The following CA12 variants were observed in gnomAD, a reference collection of about 807,000 sequenced individuals.
The protein encoded by CA12 is carbonate dehydratase XII.
A neutral mutation model predicts 46.8 loss-of-function variants in CA12; 36 were observed. The observed-to-expected ratio is 0.77, with a 90% CI of 0.59 to 1.02. The LOEUF is 1.02. Ranked by LOEUF, CA12 falls within the 50% of genes least tolerant of loss-of-function variation. The pLI, the probability that CA12 is intolerant of heterozygous loss-of-function variation, is 0.00. For missense variants in CA12, 436 were observed against 451.4 expected (o/e 0.97, Z 0.31); for synonymous variants, 202 against 187.0 (o/e 1.08, Z -0.65).
In CA12 at chr15:63,345,015, C is replaced by G. The variant is rs995997462; in HGVS notation, c.429+462G>C. Among the ~76,000 whole-genome samples the G allele has an allele frequency of 1.3e-5, 2 of 152,090 alleles. No homozygotes were observed. Among genetic ancestry groups the G allele is most frequent in the African/African-American group, 4.8e-5 (2 of 41,412 alleles). The stretch of plus-strand genomic sequence containing the variant: ...GAAGGGTGGCCCTAGACCCATGTCC[C>G]CATGTTCTAAACACAACCCATGCCC... On this transcript the variant is annotated intron_variant, in intron 4 of 10. Coordinates refer to ENST00000178638, the MANE Select transcript of CA12 (RefSeq NM_001218.5). The surrounding 1 kb of genome is among the most constrained non-coding windows in gnomAD (Gnocchi z 4.3).
chr15:63,345,531 C>T lies in CA12; in HGVS notation c.375G>A (p.Pro125=), dbSNP rs199545110. The change falls in exon 4 of 11, where the codon CCG becomes CCA. Residue 125 remains proline (P), a synonymous_variant. Transcript: ENST00000178638. This position sits in a 1 kb window ranked among gnomAD's most constrained non-coding sequence, Gnocchi z 4.3. ...ATQLHLHWGN[P]NDPHGSEHTV... Reference sequence around the variant, plus strand: ...TGTGCTCAGAGCCGTGCGGGTCATTCGGGTTCCCCCAGTGCAGGTGCAGCT... The same window carrying T: ...TGTGCTCAGAGCCGTGCGGGTCATTTGGGTTCCCCCAGTGCAGGTGCAGCT... 1.6e-5 allele frequency: 25 copies of T among 1,612,738 alleles called. No individual in the cohort carries two copies. The highest frequency in any genetic ancestry group is 2.7e-5 in the African/African-American group (2 of 74,998).
intron 1 of CA12, 111 bp from the exon 2 acceptor site, chr15:63,375,789 G>T: frequency 1.4e-6 from 1 of 711,884 alleles, no homozygotes. Context: ...TCGATGCCCA[G>T]AAATTGAAAC....
At position 63,378,057 on chromosome 15, in the gene CA12, G is replaced by A. The variant is rs1043614306; in HGVS notation, c.86-2379C>T. 6.6e-6 allele frequency among the ~76,000 whole-genome samples: 1 copy of A among 152,230 alleles called. No individual in the cohort carries two copies. The highest frequency in any genetic ancestry group is 6.5e-5 in the Admixed American group (1 of 15,280). ...AGTGGAGGAGTCCAGACCCCCTGGA[G>A]TATCCGATGAGTATTATGGACCTCT... On this transcript the variant is annotated intron_variant, in intron 1 of 10. Transcript: ENST00000178638. This position sits in a 1 kb window ranked among gnomAD's most constrained non-coding sequence, Gnocchi z 4.8.
At chr15:63,349,713 C>T (rs1044197672) in intron 2 of CA12, among the ~76,000 whole-genome samples, 3 of 152,300 alleles carry the variant, frequency 2.0e-5, no homozygotes, top group Admixed American at 6.5e-5. Flanking sequence ...ACTTATGTGT[C>T]CTTCAGTATT....
chr15:63,332,171 CAG>C (rs755690342), intron 8 of CA12, among the ~76,000 whole-genome samples: 3 of 152,126 alleles, frequency 2.0e-5, no homozygotes, highest in Admixed American at 6.5e-5. Flanking sequence ...AATAAAAAAT[CAG>C]AGAGTCAAGA....
intron 8 of CA12, among the ~76,000 whole-genome samples, chr15:63,336,758 C>T (rs1395554130): frequency 6.6e-6 from 1 of 151,938 alleles, no homozygotes; most frequent in South Asian, 2.1e-4. Flanking sequence ...AGCCTGCAGC[C>T]AGGAGGAAGC....
rs1339060525 is a variant in CA12, at chr15:63,324,828, G to T, written c.*1457C>A. The T allele has an allele frequency of 6.6e-6, 1 of 151,712 alleles. No individual in the cohort carries two copies. Among genetic ancestry groups the T allele is most frequent in the Non-Finnish European group, 1.5e-5 (1 of 67,946 alleles). The allele number at this position is 151,712 out of a possible 1,614,324, so 9.4% of individuals were successfully genotyped here. On this transcript the variant is annotated 3_prime_UTR_variant, in exon 11 of 11. Transcript: ENST00000178638. ...AGAGAATTCTTAGAGTCAGAGGGAG[G>T]AGTAGAAGGAAAAAGATATTTAAAA...
Position 63,345,506 on chromosome 15 carries a change from T to C in CA12, c.400A>G (p.Thr134Ala), listed in dbSNP as rs1318762344. 3.7e-6 allele frequency: 6 copies of C among 1,611,100 alleles called. No individual in the cohort carries two copies. Among genetic ancestry groups the C allele is most frequent in the Non-Finnish European group, 2.5e-6 (3 of 1,180,004 alleles). Residue 134 changes from threonine (T) to alanine (A), a missense_variant, in exon 4 of 11, where the codon ACC (threonine) becomes GCC (alanine). By Grantham distance (58) the Thr-to-Ala change is moderately conservative. Transcript: ENST00000178638. The surrounding 1 kb of genome is among the most constrained non-coding windows in gnomAD (Gnocchi z 4.3). ...NPNDPHGSEHTVSGQHFAAEL... is the reference protein window; with the variant it reads ...NPNDPHGSEHAVSGQHFAAEL... ...GCGGCGAAGTGCTGTCCGCTGACGG[T>C]GTGCTCAGAGCCGTGCGGGTCATTC...
intron 1 of CA12, among the ~76,000 whole-genome samples, chr15:63,377,715 A>T (rs2039594981): frequency 6.6e-6 from 1 of 152,216 alleles, no homozygotes; most frequent in Admixed American, 6.5e-5. Context: ...ACCACTTTGG[A>T]TCTTTTTAAA....
Position 63,322,666 on chromosome 15 carries a change from G to A in CA12, c.*3619C>T, listed in dbSNP as rs931598720. ...GAGATGCTCATTTCCTGCTCCAGGA[G>A]TGCTCTCCCCAGTGGGGTGGGAGCA... On this transcript the variant is annotated 3_prime_UTR_variant, in exon 11 of 11. Coordinates refer to ENST00000178638, the MANE Select transcript of CA12 (RefSeq NM_001218.5). The surrounding 1 kb of genome is among the most constrained non-coding windows in gnomAD (Gnocchi z 4.1). The A allele has an allele frequency of 6.6e-6, 1 of 152,278 alleles. No homozygotes were observed. The highest frequency in any genetic ancestry group is 1.5e-5 in the Non-Finnish European group (1 of 68,064). 9.4% of individuals were successfully genotyped at this position (152,278 alleles called of 1,614,324 possible). A position where few individuals can be genotyped will look rare whatever the true frequency, so the allele number is the denominator to read the frequency against.
chr15:63,364,172 T>A (rs144726143), intron 2 of CA12, among the ~76,000 whole-genome samples: 67 of 150,278 alleles, frequency 4.5e-4, no homozygotes, highest in Middle Eastern at 3.5e-3. Context: ...AGTAAAACTC[T>A]GTCTCAAAAA....
intron 4 of CA12, among the ~76,000 whole-genome samples, chr15:63,343,299 T>TTTTTTC (rs745693866): frequency 1.0e-4 from 15 of 147,352 alleles, no homozygotes; most frequent in Non-Finnish European, 1.8e-4. Flanking sequence ...TTTTTTTTTT[T>TTTTTTC]TAATGGAGTT....
At chr15:63,362,213 A>G (rs2039372412) in intron 2 of CA12, among the ~76,000 whole-genome samples, 1 of 152,242 alleles carries the variant, frequency 6.6e-6, no homozygotes, top group African/African-American at 2.4e-5. Flanking sequence ...CATGGGCCAC[A>G]GTTTGTCAAC....
Position 63,348,725 on chromosome 15 carries a change from A to C in CA12, c.107-2016T>G, listed in dbSNP as rs996530589. Among the ~76,000 whole-genome samples, 1 of 152,246 alleles carries C rather than the reference A, an allele frequency of 6.6e-6. No individual in the cohort carries two copies. The highest frequency in any genetic ancestry group is 1.9e-4 in the East Asian group (1 of 5,200). On this transcript the variant is annotated intron_variant, in intron 2 of 10. Coordinates refer to ENST00000178638, the MANE Select transcript of CA12 (RefSeq NM_001218.5). This position sits in a 1 kb window ranked among gnomAD's most constrained non-coding sequence, Gnocchi z 4.6. ...CACAGTGGAGGTTCAAAAAGGTTTC[A>C]TCAAGAGGGCATTTTACTGATAGCT...
chr15:63,376,790 G>C (rs948415879), intron 1 of CA12, among the ~76,000 whole-genome samples: 2 of 151,438 alleles, frequency 1.3e-5, no homozygotes, highest in African/African-American at 4.9e-5. Context: ...TTACAGGCGC[G>C]CACCACCACA....
intron 2 of CA12, among the ~76,000 whole-genome samples, chr15:63,350,779 A>G (rs2039219214): frequency 6.6e-6 from 1 of 152,230 alleles, no homozygotes; most frequent in Non-Finnish European, 1.5e-5. Context: ...TACAATGTAG[A>G]GAGAGGAGTG....
chr15:63,340,191 A>G lies in CA12; in HGVS notation c.747+97T>C. 2 of 1,394,088 alleles carry G rather than the reference A, an allele frequency of 1.4e-6. No individual in the cohort carries two copies. The highest frequency in any genetic ancestry group is 2.0e-6 in the Non-Finnish European group (2 of 990,384). The allele number at this position is 1,394,088 out of a possible 1,614,324, so 86.4% of individuals were successfully genotyped here. A position where few individuals can be genotyped will look rare whatever the true frequency, so the allele number is the denominator to read the frequency against. On this transcript the variant is annotated intron_variant, in intron 7 of 10. Coordinates refer to ENST00000178638, the MANE Select transcript of CA12 (RefSeq NM_001218.5). The surrounding 1 kb of genome is among the most constrained non-coding windows in gnomAD (Gnocchi z 4.4). ...GAGAGGTTTTGAAGAGCTGCCAATG[A>G]AACTAAATGAGGAAATCAAGTCATT...
At position 63,339,107 on chromosome 15, in the gene CA12, C is replaced by T. The variant is rs1233330658; in HGVS notation, c.748-162G>A. On this transcript the variant is annotated intron_variant, in intron 7 of 10. Transcript: ENST00000178638. This position sits in a 1 kb window ranked among gnomAD's most constrained non-coding sequence, Gnocchi z 4.3. The stretch of plus-strand genomic sequence containing the variant: ...AGAAAGCAGAGGGAAAGCCACAGAA[C>T]TGCTTCCCTCCACAGTGGGTGAGTG... Among the ~76,000 whole-genome samples the T allele has an allele frequency of 2.0e-5, 3 of 152,188 alleles. No homozygotes were observed. The highest frequency in any genetic ancestry group is 4.4e-5 in the Non-Finnish European group (3 of 68,038).
In CA12 at chr15:63,376,291, C is replaced by A. The variant is rs1483151740; in HGVS notation, c.86-613G>T. Among the ~76,000 whole-genome samples, 7 of 152,178 alleles carry A rather than the reference C, an allele frequency of 4.6e-5. No individual in the cohort carries two copies. In the South Asian group the frequency reaches 1.4e-3, roughly 31 times the overall value. ...TTATTACCTGAATAGGCAATAATTT[C>A]ATGTGGCTCAAAACCCAAAAGCCAT... is the stretch of plus-strand genomic sequence containing the variant. On this transcript the variant is annotated intron_variant, in intron 1 of 10. Transcript: ENST00000178638.
Sources: allele counts gnomAD v4.1 joint callset (sites outside exome capture counted in the v4.1 genomes callset), GRCh38; gene constraint gnomAD v4.1.1; non-coding constraint Gnocchi (gnomAD v3.1); transcripts MANE v1.5; gene names NCBI Gene and HGNC (gene_info 2026-07-23, HGNC 2026-07-21).